The following ACYP2 variants were observed in gnomAD, a reference collection of about 807,000 sequenced individuals.
ACYP2 encodes the protein acylphosphatase 2.
Under a neutral mutation model 11.2 loss-of-function variants are expected in ACYP2, and 12 were observed. The observed-to-expected ratio is 1.08, with a 90% CI of 0.69 to 1.74. ACYP2 has a LOEUF of 1.74. ACYP2 is among the 40% of genes most tolerant of loss of function. ACYP2 has a pLI of 0.00. For synonymous variants in ACYP2, 43 were observed against 32.2 expected (o/e 1.33, Z -1.13); for missense variants, 134 against 101.9 (o/e 1.31, Z -1.35).
intron 6 of ACYP2, among the ~76,000 whole-genome samples, chr2:54,279,598 TCAAGAGCTGCA>T (rs1397866448): frequency 6.1e-5 from 2 of 32,966 alleles, no homozygotes; most frequent in Admixed American, 8.1e-4. Context: ...AGCTGCAGTC[TCAAGAGCTGCA>T]GTCTCTATCT....
At chr2:54,287,529 G>C (rs1359823376) in intron 6 of ACYP2, among the ~76,000 whole-genome samples, 1 of 152,020 alleles carries the variant, frequency 6.6e-6, no homozygotes, top group Admixed American at 6.5e-5. Context: ...GTGACACTGA[G>C]TGTCTTCCAA....
chr2:54,005,981 A>T (rs1368210689), intron 2 of ACYP2, among the ~76,000 whole-genome samples: 1 of 151,796 alleles, frequency 6.6e-6, no homozygotes, highest in Non-Finnish European at 1.5e-5. Context: ...GTCTTTAAAA[A>T]ACATATAGGC....
At chr2:54,127,750 C>CA (rs3068999) in intron 4 of ACYP2, among the ~76,000 whole-genome samples, 135 of 90,364 alleles carry the variant, frequency 1.5e-3, no homozygotes, top group Non-Finnish European at 2.3e-3. Context: ...GAGACTGTCT[C>CA]AAAAAAAAAA....
rs1223977082 is a variant in ACYP2 at position 54,090,530 on chromosome 2, C to T, written c.277+33170C>T. On this transcript the variant is annotated intron_variant, in intron 4 of 6. Coordinates refer to ENST00000607452, the MANE Select transcript of ACYP2 (RefSeq NM_001320586.2). ...CCTGGATTCCCAGCTACTCAGGAGG[C>T]TGAGGCAGGAGAACTGCTTGAAACC... Among the ~76,000 whole-genome samples, 7 of 152,288 alleles carry T rather than the reference C, an allele frequency of 4.6e-5. No individual in the cohort carries two copies. In the East Asian group the frequency reaches 1.2e-3, roughly 25 times the overall value.
chr2:54,144,670 T>G (rs1681803528), intron 6 of ACYP2, among the ~76,000 whole-genome samples: 1 of 136,338 alleles, frequency 7.3e-6, no homozygotes, highest in South Asian at 2.3e-4. Context: ...CAAGACTCTG[T>G]CTCAAAAAAA....
rs10542497 is a variant in ACYP2 at position 54,119,051 on chromosome 2, C to CTTTTTTTTT, written c.278-16378_278-16370dup. ...GAAGTGGGATTTGAATCTTAGTAGT[C>CTTTTTTTTT]TTTTTTTTTTTTTTTTTTTTTTTTT... On this transcript the variant is annotated intron_variant, in intron 4 of 6. Transcript: ENST00000607452. 5.3e-4 allele frequency among the ~76,000 whole-genome samples: 23 copies of CTTTTTTTTT among 43,774 alleles called. 1 individual carries two copies. The highest frequency in any genetic ancestry group is 2.3e-3 in the African/African-American group (22 of 9,484). The allele number at this position is 43,774 out of a possible 152,430, so 28.7% of individuals were successfully genotyped here.
intron 6 of ACYP2, among the ~76,000 whole-genome samples, chr2:54,251,394 G>A (rs1687216693): frequency 6.6e-6 from 1 of 151,870 alleles, no homozygotes; most frequent in African/African-American, 2.4e-5. Context: ...GCTTACTTTG[G>A]GTTTTTCTTA....
At chr2:53,975,840 A>T (rs1376193048) in intron 2 of ACYP2, among the ~76,000 whole-genome samples, 1 of 151,864 alleles carries the variant, frequency 6.6e-6, no homozygotes, top group Non-Finnish European at 1.5e-5. Flanking sequence ...ACAAACAAAC[A>T]AAAAAAACAG....
Position 54,013,173 on chromosome 2 carries a change from G to A in ACYP2, c.63-37785G>A, listed in dbSNP as rs185411192. On this transcript the variant is annotated intron_variant, in intron 2 of 6. Coordinates refer to ENST00000607452, the MANE Select transcript of ACYP2 (RefSeq NM_001320586.2). ...CTCTCCCCACCTGCCCCCACCCCCCGCCCCAGCTTCCACATCCTCAGCAAT... is the reference window on the plus strand; with the variant it reads ...CTCTCCCCACCTGCCCCCACCCCCCACCCCAGCTTCCACATCCTCAGCAAT... Among the ~76,000 whole-genome samples the A allele has an allele frequency of 4.9e-3, 374 of 76,514 alleles. 3 individuals are homozygous for A. Among genetic ancestry groups the A allele is most frequent in the African/African-American group, 0.019 (350 of 17,956 alleles). 50.2% of individuals were successfully genotyped at this position (76,514 alleles called of 152,430 possible).
intron 6 of ACYP2, among the ~76,000 whole-genome samples, chr2:54,189,721 C>T (rs1257828021): frequency 6.6e-6 from 1 of 152,070 alleles, no homozygotes; most frequent in Non-Finnish European, 1.5e-5. Flanking sequence ...TGGGTGTATA[C>T]CCAGAAGAGA....
chr2:54,207,433 C>CAATTGGGTG (rs1685122988), intron 6 of ACYP2, among the ~76,000 whole-genome samples: 1 of 152,088 alleles, frequency 6.6e-6, no homozygotes, highest in Admixed American at 6.6e-5. Context: ...GGGTGACACC[C>CAATTGGGTG]ACCCACATTA....
At chr2:54,143,554 C>T (rs1363226632) in intron 6 of ACYP2, among the ~76,000 whole-genome samples, 2 of 152,074 alleles carry the variant, frequency 1.3e-5, no homozygotes, top group African/African-American at 4.8e-5. Context: ...CTGCCTCAGC[C>T]TCCCGAGTAG....
chr2:54,223,971 A>T (rs1685900194), intron 6 of ACYP2, among the ~76,000 whole-genome samples: 1 of 152,208 alleles, frequency 6.6e-6, no homozygotes, highest in African/African-American at 2.4e-5. Flanking sequence ...GAGAATGAGT[A>T]AAAGATGAGG....
intron 4 of ACYP2, among the ~76,000 whole-genome samples, chr2:54,073,081 C>T (rs1235029171): frequency 6.6e-6 from 1 of 152,162 alleles, no homozygotes; most frequent in Non-Finnish European, 1.5e-5. Context: ...GAAATAAACT[C>T]TTATATTTAC....
intron 2 of ACYP2, among the ~76,000 whole-genome samples, chr2:53,974,603 C>G (rs1558445966): frequency 6.6e-6 from 1 of 152,172 alleles, no homozygotes; most frequent in Non-Finnish European, 1.5e-5. Context: ...TATTATCTAT[C>G]TGCACAATTT....
chr2:54,203,395 T>TC (rs1208699637), intron 6 of ACYP2, among the ~76,000 whole-genome samples: 3 of 152,278 alleles, frequency 2.0e-5, no homozygotes, highest in East Asian at 3.9e-4. Context: ...ATATATAAGA[T>TC]CATGTCATAT....
At chr2:54,015,959 C>G (rs929925787) in intron 2 of ACYP2, among the ~76,000 whole-genome samples, 2 of 151,968 alleles carry the variant, frequency 1.3e-5, no homozygotes, top group Admixed American at 1.3e-4. Flanking sequence ...GATACCACAC[C>G]CAGCTAACTA....
chr2:54,200,024 G>A (rs1167660552), intron 6 of ACYP2, among the ~76,000 whole-genome samples: 1 of 152,198 alleles, frequency 6.6e-6, no homozygotes, highest in African/African-American at 2.4e-5. Context: ...TAACTCACAA[G>A]CTTCTCTTTT....
At chr2:53,993,773 A>G (rs1672421715) in intron 2 of ACYP2, among the ~76,000 whole-genome samples, 1 of 152,206 alleles carries the variant, frequency 6.6e-6, no homozygotes, top group Non-Finnish European at 1.5e-5. Context: ...AGAAGTAGGC[A>G]ACACCCTCAG....
Sources: allele counts gnomAD v4.1 joint callset (sites outside exome capture counted in the v4.1 genomes callset), GRCh38; gene constraint gnomAD v4.1.1; transcripts MANE v1.5; gene names NCBI Gene and HGNC (gene_info 2026-07-23, HGNC 2026-07-21).